PRKG1: variants seen among roughly 807,000 people sequenced by gnomAD.
PRKG1 encodes cGMP-dependent protein kinase 1.
In PRKG1, 35 loss-of-function variants were observed where a neutral mutation model predicts 88.1. The observed-to-expected ratio is 0.40, with a 90% CI of 0.30 to 0.53. The LOEUF is 0.53. PRKG1 is among the 20% of genes least tolerant of loss of function. The probability of loss-of-function intolerance (pLI) is 0.59; values close to 1 mark genes in which losing one functional copy is unlikely to be tolerated. For synonymous variants in PRKG1, 303 were observed against 292.5 expected (o/e 1.04, Z -0.37); for missense variants, 540 against 839.8 (o/e 0.64, Z 4.41).
chr10:52,165,582 TTGTTCAGG>T (rs1838412115), intron 9 of PRKG1, among the ~76,000 whole-genome samples: 1 of 152,172 alleles, frequency 6.6e-6, no homozygotes, highest in African/African-American at 2.4e-5. Context: ...TAAGCTTTAT[TTGTTCAGG>T]GTCTTCTTGA....
intron 1 of PRKG1, among the ~76,000 whole-genome samples, chr10:51,104,140 A>G (rs1844757757): frequency 6.6e-6 from 1 of 152,144 alleles, no homozygotes; most frequent in Non-Finnish European, 1.5e-5. Flanking sequence ...ATTTTCTTCT[A>G]TAGTAGCAAG....
At chr10:51,880,933 C>G (rs1389782557) in intron 4 of PRKG1, among the ~76,000 whole-genome samples, 1 of 151,630 alleles carries the variant, frequency 6.6e-6, no homozygotes, top group East Asian at 1.9e-4. Context: ...AAACAAATAA[C>G]TACCCAAGTA....
intron 2 of PRKG1, among the ~76,000 whole-genome samples, chr10:51,401,018 T>C (rs1293480317): frequency 1.3e-5 from 2 of 152,222 alleles, no homozygotes; most frequent in Non-Finnish European, 2.9e-5. Flanking sequence ...TAAATAACTT[T>C]TAAAAACTCT....
intron 3 of PRKG1, among the ~76,000 whole-genome samples, chr10:51,673,784 A>C (rs1206149736): frequency 1.3e-5 from 2 of 152,236 alleles, no homozygotes; most frequent in African/African-American, 4.8e-5. Flanking sequence ...TCGAGATTTG[A>C]GAATAGACTT....
At chr10:51,452,348 TG>T (rs1174684343) in intron 2 of PRKG1, among the ~76,000 whole-genome samples, 3 of 151,892 alleles carry the variant, frequency 2.0e-5, no homozygotes, top group Admixed American at 1.3e-4. Context: ...GTAGTACAAG[TG>T]GGGATCCTTG....
At chr10:51,590,346 G>C (rs557685059) in intron 3 of PRKG1, among the ~76,000 whole-genome samples, 8 of 152,156 alleles carry the variant, frequency 5.3e-5, no homozygotes, top group African/African-American at 9.6e-5. Flanking sequence ...TTGGAGAATA[G>C]GTGGCATATG....
At chr10:52,029,013 A>G (rs1845411179) in intron 5 of PRKG1, among the ~76,000 whole-genome samples, 1 of 152,196 alleles carries the variant, frequency 6.6e-6, no homozygotes, top group African/African-American at 2.4e-5. Flanking sequence ...TAAATTGTAA[A>G]TGACATTAAA....
chr10:51,488,122 A>C (rs115523693), intron 3 of PRKG1, among the ~76,000 whole-genome samples: 228 of 152,326 alleles, frequency 1.5e-3, no homozygotes, highest in African/African-American at 5.0e-3. Flanking sequence ...TGTATGATAA[A>C]TGCCAAATCA....
intron 2 of PRKG1, among the ~76,000 whole-genome samples, chr10:51,217,874 A>G (rs1838412387): frequency 6.6e-6 from 1 of 152,174 alleles, no homozygotes; most frequent in East Asian, 1.9e-4. Context: ...AATAATTTCC[A>G]AGGATTTCTT....
At chr10:52,013,586 G>C (rs1251167540) in intron 5 of PRKG1, among the ~76,000 whole-genome samples, 2 of 152,184 alleles carry the variant, frequency 1.3e-5, no homozygotes, top group Admixed American at 6.5e-5. Flanking sequence ...CATAAGCAAA[G>C]GTAGTAGCAT....
chr10:51,451,965 T>C lies in PRKG1; in HGVS notation c.479-15758T>C, dbSNP rs115268299. On this transcript the variant is annotated intron_variant, in intron 2 of 17. Coordinates refer to ENST00000373980, the MANE Select transcript of PRKG1 (RefSeq NM_006258.4). The stretch of plus-strand genomic sequence containing the variant: ...TAATTCTTAATCTTTTCATAAAAGA[T>C]ATTATTATATTAATGGAATTAGTGA... 4.2e-3 allele frequency among the ~76,000 whole-genome samples: 637 copies of C among 152,064 alleles called. 5 individuals are homozygous for C. The highest frequency in any genetic ancestry group is 0.014 in the African/African-American group (601 of 41,552).
chr10:52,271,410 A>G lies in PRKG1; in HGVS notation c.1234A>G (p.Ile412Val). Residue 412 changes from isoleucine (I) to valine (V), a missense_variant, in exon 11 of 18, where the codon ATT becomes GTT. Physicochemically the swap from Ile to Val is conservative, Grantham distance 29. Around this residue, in one of 5 missense-constraint regions of PRKG1, gnomAD observed 400 missense variants for 562.7 expected, o/e 0.71. Coordinates refer to ENST00000373980, the MANE Select transcript of PRKG1 (RefSeq NM_006258.4). ...AATGAAGATTCTCAAGAAACGTCACATTGTGGACACAAGACAGCAGGAGCA... is the reference window on the plus strand; with the variant it reads ...AATGAAGATTCTCAAGAAACGTCACGTTGTGGACACAAGACAGCAGGAGCA... ...FAMKILKKRH[I>V]VDTRQQEHIR... is the part of the protein sequence containing the mutation. 2 of 1,613,036 alleles carry G rather than the reference A, an allele frequency of 1.2e-6. No individual in the cohort carries two copies. The highest frequency in any genetic ancestry group is 1.7e-6 in the Non-Finnish European group (2 of 1,179,372).
At chr10:52,191,069 A>G (rs1839349969) in intron 9 of PRKG1, among the ~76,000 whole-genome samples, 3 of 152,180 alleles carry the variant, frequency 2.0e-5, no homozygotes, top group Admixed American at 2.0e-4. Flanking sequence ...TTCAGGATCA[A>G]AAGAATCTGC....
intron 3 of PRKG1, among the ~76,000 whole-genome samples, chr10:51,683,166 G>T (rs898435135): frequency 6.6e-6 from 1 of 152,068 alleles, no homozygotes; most frequent in Admixed American, 6.6e-5. Flanking sequence ...GCTGAAAATA[G>T]TTAGCCATCA....
chr10:52,245,388 C>T (rs1840997199), intron 9 of PRKG1, among the ~76,000 whole-genome samples: 1 of 151,850 alleles, frequency 6.6e-6, no homozygotes, highest in Non-Finnish European at 1.5e-5. Context: ...ATCAGTATTC[C>T]CAGAAAGGCT....
rs192592212 is a variant in PRKG1, at chr10:51,475,718, G to C, written c.592+7882G>C. ...ATATTCTTTTGAAGAATAGTGAGAA[G>C]TAAAATTAAAAGAAGAACAGATTGA... On this transcript the variant is annotated intron_variant, in intron 3 of 17. Coordinates refer to ENST00000373980, the MANE Select transcript of PRKG1 (RefSeq NM_006258.4). 4.9e-3 allele frequency among the ~76,000 whole-genome samples: 744 copies of C among 152,004 alleles called. 6 individuals are homozygous for C. Among genetic ancestry groups the C allele is most frequent in the Non-Finnish European group, 7.8e-3 (527 of 67,928 alleles).
At chr10:51,500,242 A>G (rs1840983114) in intron 3 of PRKG1, among the ~76,000 whole-genome samples, 1 of 152,198 alleles carries the variant, frequency 6.6e-6, no homozygotes, top group Non-Finnish European at 1.5e-5. Context: ...GAAGATCGAC[A>G]TTTCTGGCTG....
At chr10:52,025,435 T>A (rs1383738742) in intron 5 of PRKG1, among the ~76,000 whole-genome samples, 1 of 152,230 alleles carries the variant, frequency 6.6e-6, no homozygotes, top group Non-Finnish European at 1.5e-5. Flanking sequence ...GCCTTGGTTT[T>A]CTTCTAGGGT....
chr10:51,442,663 G>GA (rs1418441226), intron 2 of PRKG1, among the ~76,000 whole-genome samples: 1 of 151,916 alleles, frequency 6.6e-6, no homozygotes, highest in Non-Finnish European at 1.5e-5. Context: ...ATGAATTTTA[G>GA]AAAAAATACA....
Sources: gnomAD v4.1 joint callset for allele counts (sites outside exome capture counted in the v4.1 genomes callset) on GRCh38, gnomAD v4.1.1 for gene constraint, gnomAD v4.1.1 regional missense constraint, MANE v1.5 for transcripts, NCBI Gene and HGNC (gene_info 2026-07-23, HGNC 2026-07-21) for gene names.